Variants in MAPK10 observed in about 807,000 individuals in gnomAD.
The protein encoded by MAPK10 is mitogen-activated protein kinase 10.
Under a neutral mutation model 59.3 loss-of-function variants are expected in MAPK10, and 25 were observed. The ratio of observed to expected loss-of-function variants is 0.42; its 90% CI spans 0.31 to 0.59. The LOEUF (loss-of-function observed/expected upper bound fraction) is 0.59, where lower values mean the gene tolerates loss of function less well. Among genes scored for constraint, MAPK10 ranks in the 20% least tolerant of loss-of-function variants. The probability of loss-of-function intolerance (pLI) is 0.15; values close to 1 mark genes in which losing one functional copy is unlikely to be tolerated. For synonymous variants in MAPK10, 190 were observed against 200.5 expected, an observed-to-expected ratio of 0.95 and a Z score of 0.44; for missense variants, 351 against 568.9, an observed-to-expected ratio of 0.62 and a Z score of 3.90.
intron 1 of MAPK10, among the ~76,000 whole-genome samples, chr4:86,554,751 C>T (rs1168166676): frequency 6.6e-6 from 1 of 151,956 alleles, no homozygotes; most frequent in Non-Finnish European, 1.5e-5. Context: ...ATGATTACAC[C>T]CTCCCCTTTA....
intron 2 of MAPK10, among the ~76,000 whole-genome samples, chr4:86,233,043 T>G (rs1281039950): frequency 2.0e-5 from 3 of 152,130 alleles, no homozygotes; most frequent in Non-Finnish European, 4.4e-5. Flanking sequence ...TAATACAAGC[T>G]TTTTGATAAA....
intron 1 of MAPK10, among the ~76,000 whole-genome samples, chr4:86,400,227 A>T (rs1415638934): frequency 6.6e-6 from 1 of 152,134 alleles, no homozygotes; most frequent in Non-Finnish European, 1.5e-5. Flanking sequence ...CTTCTCTGAC[A>T]TTACATGCTG....
At chr4:86,300,879 A>C (rs2095457190) in intron 2 of MAPK10, 1 of 146,630 alleles carries the variant, frequency 6.8e-6, no homozygotes, top group Non-Finnish European at 1.5e-5. Flanking sequence ...GAGAGATCAA[A>C]TTGTTAAAGT....
intron 1 of MAPK10, among the ~76,000 whole-genome samples, chr4:86,484,917 G>A (rs1379290504): frequency 6.6e-6 from 1 of 152,178 alleles, no homozygotes; most frequent in Non-Finnish European, 1.5e-5. Flanking sequence ...ACAGAAAGCA[G>A]GGGGAGTGTA....
chr4:86,343,038 T>C (rs1725953179), intron 2 of MAPK10, among the ~76,000 whole-genome samples: 1 of 152,188 alleles, frequency 6.6e-6, no homozygotes, highest in African/African-American at 2.4e-5. Flanking sequence ...ATGTCTCTGA[T>C]GCCATGTCCC....
chr4:86,346,541 G>A (rs1728322304), intron 2 of MAPK10, among the ~76,000 whole-genome samples: 1 of 151,984 alleles, frequency 6.6e-6, no homozygotes, highest in Non-Finnish European at 1.5e-5. Context: ...CAGACACAAA[G>A]GGCTAACTAT....
chr4:86,177,612 TAGATGCTA>T (rs2075979407), intron 3 of MAPK10, among the ~76,000 whole-genome samples: 1 of 152,110 alleles, frequency 6.6e-6, no homozygotes, highest in Non-Finnish European at 1.5e-5. Context: ...TTAAATGCTC[TAGATGCTA>T]GTAATCTCAA....
chr4:86,426,772 C>T (rs1279736565), intron 1 of MAPK10, among the ~76,000 whole-genome samples: 1 of 152,044 alleles, frequency 6.6e-6, no homozygotes, highest in African/African-American at 2.4e-5. Flanking sequence ...CCTGAATTTG[C>T]CCATCTTTAA....
intron 4 of MAPK10, among the ~76,000 whole-genome samples, chr4:86,127,398 T>C (rs2060248503): frequency 6.6e-6 from 1 of 152,030 alleles, no homozygotes; most frequent in South Asian, 2.1e-4. Context: ...AGAGTGAATA[T>C]ATAGTCCTTA....
intron 5 of MAPK10, among the ~76,000 whole-genome samples, chr4:86,103,546 C>T (rs2055955433): frequency 6.6e-6 from 1 of 151,824 alleles, no homozygotes; most frequent in South Asian, 2.1e-4. Flanking sequence ...AGAATATGGG[C>T]CTTCGGGGGA....
At position 86,146,619 on chromosome 4, in the gene MAPK10, T is replaced by C. The variant is rs2065068605; in HGVS notation, c.236+12679A>G. On this transcript the variant is annotated intron_variant, in intron 4 of 13. Coordinates refer to ENST00000641462, the MANE Select transcript of MAPK10 (RefSeq NM_138982.4). Reference sequence around the variant, plus strand: ...GGCCCACAGAAGTAGCTCCATGCTTTTGGCTGTTTGGAGCCCTTACACGTT... The same window carrying C: ...GGCCCACAGAAGTAGCTCCATGCTTCTGGCTGTTTGGAGCCCTTACACGTT... Among the ~76,000 whole-genome samples, 3 of 152,218 alleles carry C rather than the reference T, an allele frequency of 2.0e-5. No individual in the cohort carries two copies. The South Asian group carries it at 6.2e-4, about 32-fold the overall frequency.
intron 4 of MAPK10, among the ~76,000 whole-genome samples, chr4:86,144,396 C>G (rs1374589182): frequency 1.3e-5 from 2 of 152,044 alleles, no homozygotes. Flanking sequence ...ATTGTCAGGG[C>G]TCTTTGAGCA....
intron 2 of MAPK10, among the ~76,000 whole-genome samples, chr4:86,251,322 C>A (rs2093412377): frequency 6.6e-6 from 1 of 151,948 alleles, no homozygotes; most frequent in African/African-American, 2.4e-5. Flanking sequence ...CTATCCCTCC[C>A]CCCTCCTCCC....
At chr4:86,446,187 T>C (rs1481707995) in intron 1 of MAPK10, among the ~76,000 whole-genome samples, 2 of 152,106 alleles carry the variant, frequency 1.3e-5, no homozygotes, top group African/African-American at 4.8e-5. Flanking sequence ...TGAAGCAGTA[T>C]AGCTCACTTT....
chr4:86,212,853 A>G (rs942970758), intron 2 of MAPK10, among the ~76,000 whole-genome samples: 2 of 152,176 alleles, frequency 1.3e-5, no homozygotes, highest in Non-Finnish European at 2.9e-5. Context: ...GTAAAGAAAT[A>G]GAGAACTTGA....
intron 9 of MAPK10, among the ~76,000 whole-genome samples, chr4:86,072,361 G>T (rs950712656): frequency 1.3e-5 from 2 of 151,744 alleles, no homozygotes; most frequent in Admixed American, 6.6e-5. Flanking sequence ...GACTTCCTCT[G>T]TTCCTAATTG....
At chr4:86,287,149 G>C (rs978208366) in intron 2 of MAPK10, among the ~76,000 whole-genome samples, 4 of 152,002 alleles carry the variant, frequency 2.6e-5, no homozygotes, top group Non-Finnish European at 5.9e-5. Context: ...CATGAAAAAA[G>C]GCTTAAAATA....
At chr4:86,046,844 C>G (rs1390150364) in intron 11 of MAPK10, among the ~76,000 whole-genome samples, 1 of 152,094 alleles carries the variant, frequency 6.6e-6, no homozygotes, top group East Asian at 1.9e-4. Flanking sequence ...TACTAAGGGC[C>G]AGACAGTGTT....
intron 1 of MAPK10, among the ~76,000 whole-genome samples, chr4:86,563,016 G>A (rs1319393262): frequency 6.6e-6 from 1 of 152,224 alleles, no homozygotes; most frequent in East Asian, 1.9e-4. Flanking sequence ...ACCTTGTATT[G>A]TTATGTTTAT....
Sources: gnomAD v4.1 joint callset for allele counts (sites outside exome capture counted in the v4.1 genomes callset) on GRCh38, gnomAD v4.1.1 for gene constraint, MANE v1.5 for transcripts, NCBI Gene and HGNC (gene_info 2026-07-23, HGNC 2026-07-21) for gene names.